Variants in MIER2 observed in about 807,000 individuals in gnomAD.
MIER2 encodes the protein MIER family member 2.
A neutral mutation model predicts 67.6 loss-of-function variants in MIER2; 30 were observed. The ratio of observed to expected loss-of-function variants is 0.44; its 90% confidence interval spans 0.33 to 0.60. MIER2 has a LOEUF of 0.60. Ranked by LOEUF, MIER2 falls within the 20% of genes least tolerant of loss-of-function variation. The pLI is 0.02. For missense variants in MIER2, 702 were observed against 745.1 expected (o/e 0.94, Z 0.67); for synonymous variants, 372 against 312.6 (o/e 1.19, Z -2.00).
chr19:308,622 C>T lies in MIER2; in HGVS notation c.1153G>A (p.Gly385Ser), dbSNP rs781234771. 9.3e-6 allele frequency: 15 copies of T among 1,606,624 alleles called. No individual in the cohort carries two copies. Among genetic ancestry groups the T allele is most frequent in the East Asian group, 4.5e-5 (2 of 44,632 alleles). Residue 385 changes from glycine to serine, a missense_variant, in exon 12 of 14, where the codon GGC (glycine) becomes AGC (serine). Coordinates refer to ENST00000264819, the MANE Select transcript of MIER2 (RefSeq NM_017550.3). This position sits in a 1 kb window ranked among gnomAD's most constrained non-coding sequence, Gnocchi z 9.1. ...GTGTCTTGCTCCGGGCGCGGACGGCCGGGGCCATCGGGGTCGCTGCCATCC... is the reference window on the plus strand; with the variant it reads ...GTGTCTTGCTCCGGGCGCGGACGGCTGGGGCCATCGGGGTCGCTGCCATCC... ...DLDGSDPDGP[G>S]RPRPEQDTLT...
intron 3 of MIER2, among the ~76,000 whole-genome samples, chr19:332,663 T>G (rs983358189): frequency 3.4e-5 from 4 of 117,348 alleles, no homozygotes; most frequent in African/African-American, 1.4e-4. Context: ...CTCAAACTCC[T>G]GACCTCATGA....
intron 7 of MIER2, among the ~76,000 whole-genome samples, chr19:324,912 C>T (rs932296258): frequency 7.9e-5 from 12 of 152,342 alleles, no homozygotes; most frequent in East Asian, 7.7e-4. Context: ...TTCCTGGCTC[C>T]GTCCTCTTCT....
intron 10 of MIER2, 38 bp downstream of exon 10, chr19:311,807 G>A (rs375051560): frequency 3.7e-5 from 60 of 1,607,066 alleles, no homozygotes; most frequent in Admixed American, 6.7e-5. Context: ...TCCCCAGATC[G>A]AGAAGCCCCC....
intron 10 of MIER2, among the ~76,000 whole-genome samples, chr19:310,318 C>CT (rs1478711611): frequency 6.6e-6 from 1 of 152,238 alleles, no homozygotes; most frequent in Admixed American, 6.5e-5. Context: ...GGGGTCCTGC[C>CT]TGGGGGCGAG....
chr19:331,289 T>C (rs1022586567), intron 3 of MIER2, among the ~76,000 whole-genome samples: 2 of 148,316 alleles, frequency 1.3e-5, no homozygotes, highest in African/African-American at 2.5e-5. Flanking sequence ...ACCCAAGAGG[T>C]AGAGGTTCCA....
At chr19:342,949 C>G (rs1972569082) in intron 1 of MIER2, among the ~76,000 whole-genome samples, 1 of 152,084 alleles carries the variant, frequency 6.6e-6, no homozygotes, top group Admixed American at 6.5e-5. Context: ...CTTGCCATGG[C>G]TCCTCACGCT....
At position 327,860 on chromosome 19, in the gene MIER2, T is replaced by A. The variant is rs1394764003; in HGVS notation, c.369+4A>T. 6.2e-7 allele frequency: 1 copy of A among 1,611,076 alleles called. No homozygotes were observed. Among genetic ancestry groups the A allele is most frequent in the South Asian group, 1.1e-5 (1 of 90,918 alleles). ...AGCCAGTTCCAGGAAGGGCCCTCAC[T>A]TACTTTGTCCAGGGTCATGTCTGGG... On this transcript the variant is annotated splice_donor_region_variant and intron_variant, in intron 4 of 13. Coordinates refer to ENST00000264819, the MANE Select transcript of MIER2 (RefSeq NM_017550.3).
intron 7 of MIER2, among the ~76,000 whole-genome samples, chr19:320,289 G>A (rs544891071): frequency 2.6e-5 from 4 of 152,192 alleles, no homozygotes; most frequent in East Asian, 3.9e-4. Context: ...ACTGCAGCAC[G>A]AGAATCACTT....
chr19:335,085 G>T (rs548932098), intron 2 of MIER2, among the ~76,000 whole-genome samples: 3 of 152,258 alleles, frequency 2.0e-5, no homozygotes. Flanking sequence ...AACAGTTGAC[G>T]GCTGTCATCA....
chr19:321,504 G>A (rs759320699), intron 7 of MIER2, among the ~76,000 whole-genome samples: 14 of 152,082 alleles, frequency 9.2e-5, no homozygotes, highest in Non-Finnish European at 1.6e-4. Context: ...AATGAGCCAG[G>A]CGTGGTGGCG....
rs570408417 is a variant in MIER2 at position 322,190 on chromosome 19, C to T, written c.655+3445G>A. On this transcript the variant is annotated intron_variant, in intron 7 of 13. Transcript: ENST00000264819. ...AAAGTGCTGGGATTACAGGTGTGAGCCACCACGCCCAGCCACCATACACCA... is the reference window on the plus strand; with the variant it reads ...AAAGTGCTGGGATTACAGGTGTGAGTCACCACGCCCAGCCACCATACACCA... 2.2e-3 allele frequency among the ~76,000 whole-genome samples: 337 copies of T among 152,276 alleles called. 1 individual carries two copies. The highest frequency in any genetic ancestry group is 7.7e-3 in the African/African-American group (320 of 41,556).
intron 7 of MIER2, among the ~76,000 whole-genome samples, chr19:317,327 A>C (rs1317113432): frequency 6.6e-6 from 1 of 152,028 alleles, no homozygotes; most frequent in Non-Finnish European, 1.5e-5. Context: ...GGAGATCGAG[A>C]CCACCCGGGC....
chr19:321,426 C>A (rs1252004062), intron 7 of MIER2, among the ~76,000 whole-genome samples: 3 of 152,292 alleles, frequency 2.0e-5, no homozygotes, highest in African/African-American at 7.2e-5. Context: ...AGGCGGATCA[C>A]CTGAGGTTGG....
chr19:323,884 GACAC>G (rs1431430973), intron 7 of MIER2, among the ~76,000 whole-genome samples: 1 of 146,366 alleles, frequency 6.8e-6, no homozygotes, highest in Non-Finnish European at 1.5e-5. Flanking sequence ...CAATACACAA[GACAC>G]ACACAACCAC....
chr19:329,120 C>G (rs1388173481), intron 3 of MIER2, among the ~76,000 whole-genome samples: 1 of 152,126 alleles, frequency 6.6e-6, no homozygotes, highest in South Asian at 2.1e-4. Flanking sequence ...GGAACACTCC[C>G]TCTCATTCTC....
rs558743941 is a variant in MIER2, at chr19:336,619, A to G, written c.10-446T>C. ...GGCTCGTGGGGGCCAGGAGCCAGGG[A>G]GAGAGACAGTGGGAGAGTGACTGCT... is the stretch of plus-strand genomic sequence containing the variant. On this transcript the variant is annotated intron_variant, in intron 1 of 13. Coordinates refer to ENST00000264819, the MANE Select transcript of MIER2 (RefSeq NM_017550.3). 3.3e-5 allele frequency among the ~76,000 whole-genome samples: 5 copies of G among 152,290 alleles called. No homozygotes were observed. The South Asian group carries it at 1.0e-3, about 32-fold the overall frequency.
intron 10 of MIER2, among the ~76,000 whole-genome samples, chr19:310,587 C>T (rs553629333): frequency 2.7e-4 from 40 of 150,594 alleles, no homozygotes; most frequent in African/African-American, 9.5e-4. Context: ...CGGCCGGGAG[C>T]TGCAGAAACA....
At chr19:327,318 A>C in intron 4 of MIER2, 62 bp from the exon 5 acceptor site, 1 of 1,537,440 alleles carries the variant, frequency 6.5e-7, no homozygotes. Flanking sequence ...CAATACCACT[A>C]ATGATAACAA....
intron 7 of MIER2, among the ~76,000 whole-genome samples, chr19:323,178 A>T (rs1285301927): frequency 6.6e-6 from 1 of 151,308 alleles, no homozygotes; most frequent in East Asian, 1.9e-4. Context: ...AATGACACAG[A>T]CGTCATCACA....
Sources: gnomAD v4.1 joint callset for allele counts (sites outside exome capture counted in the v4.1 genomes callset) on GRCh38, gnomAD v4.1.1 for gene constraint, Gnocchi (gnomAD v3.1) non-coding constraint, MANE v1.5 for transcripts, NCBI Gene and HGNC (gene_info 2026-07-23, HGNC 2026-07-21) for gene names.